The following KANK1 variants were observed in gnomAD, a reference collection of about 807,000 sequenced individuals.
KANK1 encodes KN motif and ankyrin repeat domains 1, also known as KN motif and ankyrin repeat domain-containing protein 1.
In KANK1, 109 loss-of-function variants were observed where a neutral mutation model predicts 106.2. The ratio of observed to expected loss-of-function variants is 1.03; its 90% CI spans 0.88 to 1.20. KANK1 has a LOEUF of 1.20. Ranked by LOEUF, KANK1 falls within the 50% of genes most tolerant of loss-of-function variation. The probability of loss-of-function intolerance (pLI) is 0.00; values close to 1 mark genes in which losing one functional copy is unlikely to be tolerated. For synonymous variants in KANK1, 873 were observed against 652.2 expected (o/e 1.34, Z -5.16); for missense variants, 2,399 against 1,710.7 (o/e 1.40, Z -7.10).
chr9:647,957 C>G (rs1840054608), intron 1 of KANK1, among the ~76,000 whole-genome samples: 1 of 149,988 alleles, frequency 6.7e-6, no homozygotes, highest in Admixed American at 6.6e-5. Flanking sequence ...TCACACACAG[C>G]CAGTCTACGG....
Position 712,448 on chromosome 9 carries a change from G to A in KANK1, c.1682G>A (p.Gly561Glu). The change falls in exon 3 of 12, where the codon GGG becomes GAG. Residue 561 changes from glycine (G) to glutamate (E), a missense_variant. By Grantham distance (98) the Gly-to-Glu change is moderately conservative. Transcript: ENST00000382297. ...CQPECKNKVV[G>E]PELPMNWWIV... ...CCTGAATGTAAGAATAAAGTCGTAG[G>A]GCCTGAGCTGCCTATGAATTGGTGG... 1 of 1,614,124 alleles carries A rather than the reference G, an allele frequency of 6.2e-7. No homozygotes were observed. Among genetic ancestry groups the A allele is most frequent in the Non-Finnish European group, 8.5e-7 (1 of 1,180,030 alleles).
chr9:559,500 C>T (rs1167889808), intron 1 of KANK1, among the ~76,000 whole-genome samples: 1 of 151,992 alleles, frequency 6.6e-6, no homozygotes, highest in African/African-American at 2.4e-5. Flanking sequence ...GGCCTGGTTT[C>T]ATTATATCTT....
At chr9:631,967 T>G (rs1044961974) in intron 1 of KANK1, among the ~76,000 whole-genome samples, 4 of 152,208 alleles carry the variant, frequency 2.6e-5, no homozygotes, top group Admixed American at 1.3e-4. Context: ...AACATACTGT[T>G]AAATTACAGT....
chr9:497,619 G>A (rs2058478056), intron 3 of KANK1, among the ~76,000 whole-genome samples: 1 of 152,184 alleles, frequency 6.6e-6, no homozygotes, highest in South Asian at 2.1e-4. Context: ...TTGGAAGGCT[G>A]AGGTGGGCAG....
intron 1 of KANK1, among the ~76,000 whole-genome samples, chr9:659,822 A>G (rs1439277145): frequency 6.6e-6 from 1 of 152,020 alleles, no homozygotes; most frequent in Non-Finnish European, 1.5e-5. Flanking sequence ...AACTCATAAG[A>G]TTTGGGTGGG....
chr9:558,018 A>T (rs1815318274), intron 1 of KANK1, among the ~76,000 whole-genome samples: 1 of 152,122 alleles, frequency 6.6e-6, no homozygotes, highest in African/African-American at 2.4e-5. Flanking sequence ...ACAAACAAAC[A>T]AACCTATACG....
chr9:712,929 A>G lies in KANK1; in HGVS notation c.2163A>G (p.Glu721=), dbSNP rs145499266. 4.3e-4 allele frequency: 700 copies of G among 1,614,050 alleles called. No individual in the cohort carries two copies. Among genetic ancestry groups the G allele is most frequent in the Non-Finnish European group, 5.6e-4 (664 of 1,180,058 alleles). The change falls in exon 3 of 12, where the codon GAA becomes GAG. Residue 721 remains glutamate, a synonymous_variant. Coordinates refer to ENST00000382297, the MANE Select transcript of KANK1 (RefSeq NM_015158.5). Reference sequence around the variant, plus strand: ...AGACGCGGACAGTAGCTGTAGGAGAAGGCCGTGTCAAGGACATCAACTCCT... The same window carrying G: ...AGACGCGGACAGTAGCTGTAGGAGAGGGCCGTGTCAAGGACATCAACTCCT... ...TVETRTVAVG[E]GRVKDINSST...
intron 1 of KANK1, among the ~76,000 whole-genome samples, chr9:592,459 T>A (rs968765152): frequency 6.9e-6 from 1 of 144,810 alleles, no homozygotes; most frequent in Non-Finnish European, 1.5e-5. Context: ...CTGCTATGAC[T>A]CTTTCTTTCT....
At chr9:602,258 T>C (rs1051029303) in intron 1 of KANK1, among the ~76,000 whole-genome samples, 1 of 151,390 alleles carries the variant, frequency 6.6e-6, no homozygotes, top group Non-Finnish European at 1.5e-5. Context: ...TTTTTATTTA[T>C]TTTATTTTAT....
In KANK1 at chr9:745,333, C is replaced by G. The variant is rs746228828; in HGVS notation, c.*98C>G. ...TGAATGTATACGTATTGTGCCTGAG[C>G]TCACCAGCAAACAGAAGCATCAAGC... On this transcript the variant is annotated 3_prime_UTR_variant, in exon 12 of 12. Coordinates refer to ENST00000382297, the MANE Select transcript of KANK1 (RefSeq NM_015158.5). 81 of 1,476,126 alleles carry G rather than the reference C, an allele frequency of 5.5e-5. No homozygotes were observed. The highest frequency in any genetic ancestry group is 7.2e-5 in the Non-Finnish European group (76 of 1,060,398). The allele number at this position is 1,476,126 out of a possible 1,614,324, so 91.4% of individuals were successfully genotyped here. A position where few individuals can be genotyped will look rare whatever the true frequency, so the allele number is the denominator to read the frequency against.
At chr9:726,941 C>T (rs1830830208) in intron 3 of KANK1, among the ~76,000 whole-genome samples, 1 of 152,194 alleles carries the variant, frequency 6.6e-6, no homozygotes, top group African/African-American at 2.4e-5. Context: ...GCCTGGGCAA[C>T]AGCACAAGAC....
Position 589,768 on chromosome 9 carries a change from A to G in KANK1, c.-84+85014A>G, listed in dbSNP as rs564611464. Among the ~76,000 whole-genome samples, 24 of 152,302 alleles carry G rather than the reference A, an allele frequency of 1.6e-4. No individual in the cohort carries two copies. In the South Asian group the frequency reaches 2.5e-3, roughly 16 times the overall value. ...AAGGAAGTATTTATTTCTGGAGAGT[A>G]AAAGTGGTAGGTTTGGGGTTTTAGA... On this transcript the variant is annotated intron_variant, in intron 1 of 11. Transcript: ENST00000382297.
chr9:488,648 A>T (rs1489055269), intron 3 of KANK1, among the ~76,000 whole-genome samples: 2 of 152,222 alleles, frequency 1.3e-5, no homozygotes, highest in Admixed American at 1.3e-4. Context: ...GTAATCAAAA[A>T]TGCTGCATAC....
At chr9:485,869 CAAAAA>C (rs58910749) in intron 3 of KANK1, among the ~76,000 whole-genome samples, 3 of 98,290 alleles carry the variant, frequency 3.1e-5, no homozygotes, top group African/African-American at 6.0e-5. Flanking sequence ...AGAATTGTCT[CAAAAA>C]AAAAAAAAAA....
At chr9:500,870 G>A (rs769213174), upstream of KANK1, among the ~76,000 whole-genome samples, 12 of 152,114 alleles carry the variant, frequency 7.9e-5, no homozygotes, top group Non-Finnish European at 1.2e-4. Context: ...AGCAACAGGG[G>A]AACCTTCAGA....
At chr9:691,797 G>T (rs72693407) in intron 2 of KANK1, among the ~76,000 whole-genome samples, 26,051 of 105,150 alleles carry the variant, frequency 0.25, 2,708 homozygotes, top group Middle Eastern at 0.32. Context: ...TTTTTTTTTT[G>T]GTAGAGACAG....
intron 3 of KANK1, among the ~76,000 whole-genome samples, chr9:475,741 G>A (rs996447551): frequency 6.6e-6 from 1 of 152,164 alleles, no homozygotes; most frequent in African/African-American, 2.4e-5. Flanking sequence ...GCCATCCTTT[G>A]TAGGGGAAAA....
chr9:617,799 T>A (rs1345980687), intron 1 of KANK1, among the ~76,000 whole-genome samples: 2 of 152,358 alleles, frequency 1.3e-5, no homozygotes, highest in Admixed American at 1.3e-4. Flanking sequence ...TCCACTTTCC[T>A]CTTTCCTGCT....
chr9:716,284 C>A (rs1270965732), intron 3 of KANK1, among the ~76,000 whole-genome samples: 1 of 152,142 alleles, frequency 6.6e-6, no homozygotes, highest in Non-Finnish European at 1.5e-5. Context: ...TTCAGTGAGT[C>A]AATAGGAGTA....
Sources: gnomAD v4.1 joint callset for allele counts (sites outside exome capture counted in the v4.1 genomes callset) on GRCh38, gnomAD v4.1.1 for gene constraint, MANE v1.5 for transcripts, NCBI Gene and HGNC (gene_info 2026-07-23, HGNC 2026-07-21) for gene names.